The following PFKM variants were observed in gnomAD, a reference collection of about 807,000 sequenced individuals.
PFKM encodes the protein ATP-dependent 6-phosphofructokinase, muscle type.
In PFKM, 58 loss-of-function variants were observed where a neutral mutation model predicts 95.5. The observed-to-expected ratio is 0.61, with a 90% CI of 0.49 to 0.76. The LOEUF is 0.76. PFKM is among the 30% of genes least tolerant of loss of function. The pLI is 0.00. For missense variants in PFKM, 678 were observed against 1,005.4 expected, an observed-to-expected ratio of 0.67 and a Z score of 4.40; for synonymous variants, 336 against 357.2, an observed-to-expected ratio of 0.94 and a Z score of 0.67.
chr12:48,111,163 C>G (rs1947151744), intron 3 of PFKM, among the ~76,000 whole-genome samples: 1 of 152,232 alleles, frequency 6.6e-6, no homozygotes, highest in African/African-American at 2.4e-5. Flanking sequence ...ACTCTCAAGA[C>G]TACTTCTAGT....
At chr12:48,114,008 T>G (rs1201587319) in intron 3 of PFKM, among the ~76,000 whole-genome samples, 1 of 152,160 alleles carries the variant, frequency 6.6e-6, no homozygotes, top group Non-Finnish European at 1.5e-5. Context: ...GTAAGCTGCC[T>G]TTTTAAGCCC....
intron 3 of PFKM, 61 bp downstream of exon 3, chr12:48,130,497 A>C: frequency 8.0e-7 from 1 of 1,249,898 alleles, no homozygotes; most frequent in South Asian, 1.2e-5. Flanking sequence ...TCTGCCTTCT[A>C]TCCCCTTCCC....
At position 48,144,257 on chromosome 12, in the gene PFKM, T is replaced by C. The variant is rs986153861; in HGVS notation, c.1992+100T>C. 5 of 806,592 alleles carry C rather than the reference T, an allele frequency of 6.2e-6. No homozygotes were observed. The African/African-American group carries it at 8.4e-5, about 14-fold the overall frequency. The allele number at this position is 806,592 out of a possible 1,614,324, so 50.0% of individuals were successfully genotyped here. A position where few individuals can be genotyped will look rare whatever the true frequency, so the allele number is the denominator to read the frequency against. On this transcript the variant is annotated intron_variant, in intron 20 of 22. Coordinates refer to ENST00000359794, the MANE Select transcript of PFKM (RefSeq NM_000289.6). Reference sequence around the variant, plus strand: ...TGAGGCTTCCACTGGCCTTTTCCAGTCTTCTGGAGGAGCCTGTCAGTGCCA... The same window carrying C: ...TGAGGCTTCCACTGGCCTTTTCCAGCCTTCTGGAGGAGCCTGTCAGTGCCA...
chr12:48,134,699 A>T (rs1949897826), intron 7 of PFKM, 22 bp from the exon 8 acceptor site: 1 of 1,506,914 alleles, frequency 6.6e-7, no homozygotes, highest in Admixed American at 1.7e-5. Context: ...TTCTAGCAGG[A>T]TGCTTCTGAC....
At chr12:48,133,197 CT>C in intron 5 of PFKM, 117 bp from the exon 6 acceptor site, 1 of 1,282,370 alleles carries the variant, frequency 7.8e-7, no homozygotes, top group Non-Finnish European at 1.1e-6. Context: ...CTTTGCCCTC[CT>C]TTTTCTGGTA....
At chr12:48,128,288 G>GA in intron 2 of PFKM, among the ~76,000 whole-genome samples, 1 of 146,472 alleles carries the variant, frequency 6.8e-6, no homozygotes, top group South Asian at 2.2e-4. Context: ...TCTTTTTTTC[G>GA]AGAGATGGGG....
chr12:48,107,426 G>A (rs193298317), exon 2 of PFKM: 5 of 1,598,356 alleles, frequency 3.1e-6, no homozygotes, highest in Non-Finnish European at 2.5e-6. Context: ...ATTCAGTCTC[G>A]CCAGTTAGTC....
intron 1 of PFKM, 63 bp from the exon 2 acceptor site, chr12:48,122,704 T>A: frequency 6.2e-7 from 1 of 1,610,868 alleles, no homozygotes; most frequent in Non-Finnish European, 8.5e-7. Context: ...TAATTGCCGT[T>A]CCTTTAGCTA....
chr12:48,108,185 T>C (rs1172207438), exon 3 of PFKM: 1 of 1,597,762 alleles, frequency 6.3e-7, no homozygotes, highest in Non-Finnish European at 8.5e-7. Flanking sequence ...CATACCTGTT[T>C]TCAAAACTGG....
rs1437929094 is a variant in PFKM, at chr12:48,134,966, C to G, written c.771C>G (p.Leu257=). 6.2e-7 allele frequency: 1 copy of G among 1,613,914 alleles called. No individual in the cohort carries two copies. Among genetic ancestry groups the G allele is most frequent in the African/African-American group, 1.3e-5 (1 of 74,910 alleles). ...AGACAAGGACCCGTGGTTCTCGTCT[C>G]AACATCATCATTGTGGCTGAGGGTG... is the stretch of plus-strand genomic sequence containing the variant. ...LSETRTRGSR[L]NIIIVAEGAI... The change falls in exon 9 of 23, where the codon CTC becomes CTG. Residue 257 remains leucine, a synonymous_variant. Coordinates refer to ENST00000359794, the MANE Select transcript of PFKM (RefSeq NM_000289.6).
intron 18 of PFKM, 90 bp downstream of exon 18, chr12:48,143,036 G>A: frequency 1.6e-6 from 2 of 1,264,228 alleles, no homozygotes; most frequent in Non-Finnish European, 1.1e-6. Flanking sequence ...TCAAGTTGAG[G>A]ACCGAGCTGA....
At chr12:48,115,137 C>T (rs556019905), upstream of PFKM, among the ~76,000 whole-genome samples, 1 of 152,240 alleles carries the variant, frequency 6.6e-6, no homozygotes, top group South Asian at 2.1e-4. Flanking sequence ...TCAAGGCAGG[C>T]GTCCCTGTGG....
intron 3 of PFKM, among the ~76,000 whole-genome samples, chr12:48,108,537 C>T (rs1170189957): frequency 6.6e-6 from 1 of 152,070 alleles, no homozygotes; most frequent in African/African-American, 2.4e-5. Flanking sequence ...TGTCAGCATC[C>T]TTGATATATA....
intron 1 of PFKM, among the ~76,000 whole-genome samples, chr12:48,121,603 A>G (rs897253724): frequency 2.6e-5 from 4 of 152,160 alleles, no homozygotes; most frequent in Non-Finnish European, 5.9e-5. Context: ...GCTGCCCGTA[A>G]AACTTGGGTT....
Position 48,133,306 on chromosome 12 carries a change from C to T in PFKM, c.428-9C>T, listed in dbSNP as rs777677504. On this transcript the variant is annotated splice_polypyrimidine_tract_variant and intron_variant, in intron 5 of 22. Transcript: ENST00000359794. ...ACCCAGTGGCTCCTGGTTTGCTTCT[C>T]ATTGTCAGGTAAGATCACAGATGAG... is the stretch of plus-strand genomic sequence containing the variant. 6.2e-6 allele frequency: 10 copies of T among 1,613,728 alleles called. No homozygotes were observed.
chr12:48,122,509 C>T, intron 1 of PFKM: 3 of 1,118,476 alleles, frequency 2.7e-6, no homozygotes, highest in Non-Finnish European at 3.5e-6. Flanking sequence ...AAATAGGTTC[C>T]AATTGGGGTG....
Position 48,141,828 on chromosome 12 carries a change from G to A in PFKM, c.1500+1G>A, listed in dbSNP as rs770066278. ...CCTTGTCATCATTGGGGGCTTTGAG[G>A]TGAGTGCCTGCCACCATTTCTTCCT... On this transcript the variant is annotated splice_donor_variant, in intron 16 of 22. Coordinates refer to ENST00000359794, the MANE Select transcript of PFKM (RefSeq NM_000289.6). LOFTEE classifies it high-confidence loss of function. 62 of 1,613,462 alleles carry A rather than the reference G, an allele frequency of 3.8e-5. No homozygotes were observed. The highest frequency in any genetic ancestry group is 5.1e-5 in the Non-Finnish European group (60 of 1,179,522).
At chr12:48,136,518 C>A (rs1950099653) in intron 10 of PFKM, among the ~76,000 whole-genome samples, 1 of 152,014 alleles carries the variant, frequency 6.6e-6, no homozygotes, top group South Asian at 2.1e-4. Context: ...ATTTTCATTT[C>A]TGCAGAGTAA....
In PFKM at chr12:48,136,692, CTT is replaced by C. The variant is rs1166389532; in HGVS notation, c.937-1005_937-1004del. On this transcript the variant is annotated intron_variant, in intron 10 of 22. Coordinates refer to ENST00000359794, the MANE Select transcript of PFKM (RefSeq NM_000289.6). ...CCTTACCAGCATTTGGGGGTCGTCA[CTT>C]TTTTTTTTTTTTTTTTTTTTTTTAC... Among the ~76,000 whole-genome samples, 80 of 63,026 alleles carry C rather than the reference CTT, an allele frequency of 1.3e-3. No individual in the cohort carries two copies. In the Middle Eastern group the frequency reaches 0.043, roughly 34 times the overall value. 41.3% of individuals were successfully genotyped at this position (63,026 alleles called of 152,430 possible). A position where few individuals can be genotyped will look rare whatever the true frequency, so the allele number is the denominator to read the frequency against.
Sources: gnomAD v4.1 joint callset for allele counts (sites outside exome capture counted in the v4.1 genomes callset) on GRCh38, gnomAD v4.1.1 for gene constraint, MANE v1.5 for transcripts, NCBI Gene and HGNC (gene_info 2026-07-23, HGNC 2026-07-21) for gene names.